HEPHL1: variants seen among roughly 807,000 people sequenced by gnomAD.
HEPHL1 encodes the protein hephaestin like 1, also known as ferroxidase HEPHL1.
A neutral mutation model predicts 122.0 loss-of-function variants in HEPHL1; 123 were observed. The ratio of observed to expected loss-of-function variants is 1.01; its 90% confidence interval spans 0.87 to 1.17. HEPHL1 has a LOEUF of 1.17. HEPHL1 is among the 50% of genes most tolerant of loss of function. The pLI is 0.00. For synonymous variants in HEPHL1, 527 were observed against 508.9 expected (o/e 1.04, Z -0.48); for missense variants, 1,452 against 1,430.5 (o/e 1.01, Z -0.24).
At chr11:94,104,465 G>A in intron 15 of HEPHL1, 63 bp from the exon 16 acceptor site, 1 of 1,138,796 alleles carries the variant, frequency 8.8e-7, no homozygotes, top group Non-Finnish European at 1.3e-6. Flanking sequence ...ATGGTGGCAG[G>A]TGGAATGAAA....
Position 94,082,470 on chromosome 11 carries a change from T to C in HEPHL1, c.1769T>C (p.Leu590Pro). 6.2e-7 allele frequency: 1 copy of C among 1,612,642 alleles called. No individual in the cohort carries two copies. The highest frequency in any genetic ancestry group is 8.5e-7 in the Non-Finnish European group (1 of 1,178,746). Residue 590 changes from leucine (L) to proline (P), a missense_variant, in exon 10 of 20, where the codon CTG becomes CCG. Coordinates refer to ENST00000315765, the MANE Select transcript of HEPHL1 (RefSeq NM_001098672.2). ...YLLFTVFDEN[L>P]SRYFDENIQK... ...CTGTTCACAGTCTTTGATGAGAATC[T>C]GAGCAGATATTTTGATGAAAACATT...
rs1565365694 is a variant in HEPHL1, at chr11:94,113,063, C to T, written c.*1169C>T. ...AGATTCTCTTAAACCATTAAACCAG[C>T]TTTGAAAATTAATAAATAATTTCCA... On this transcript the variant is annotated 3_prime_UTR_variant, in exon 20 of 20. Transcript: ENST00000315765. The T allele has an allele frequency of 6.6e-6, 1 of 152,090 alleles. No homozygotes were observed. Among genetic ancestry groups the T allele is most frequent in the African/African-American group, 2.4e-5 (1 of 41,424 alleles). The allele number at this position is 152,090 out of a possible 1,614,324, so 9.4% of individuals were successfully genotyped here. A position where few individuals can be genotyped will look rare whatever the true frequency, so the allele number is the denominator to read the frequency against.
intron 2 of HEPHL1, among the ~76,000 whole-genome samples, chr11:94,056,459 A>G (rs1265738295): frequency 1.3e-5 from 2 of 152,056 alleles, no homozygotes. Context: ...TTTGTGTTAA[A>G]CAAATATTTC....
In HEPHL1 at chr11:94,075,231, C is replaced by T. The variant is rs1057300483; in HGVS notation, c.1562C>T (p.Thr521Ile). Reference sequence around the variant, plus strand: ...GGTGAAACCTTCACATACAAGTGGACAGTGCCTGAGAGCGTAAGCCCAACT... The same window carrying T: ...GGTGAAACCTTCACATACAAGTGGATAGTGCCTGAGAGCGTAAGCCCAACT... ...KPGETFTYKW[T>I]VPESVSPTAG... Residue 521 changes from threonine to isoleucine, a missense_variant, in exon 9 of 20, where the codon ACA (threonine) becomes ATA (isoleucine). Coordinates refer to ENST00000315765, the MANE Select transcript of HEPHL1 (RefSeq NM_001098672.2). 3.1e-6 allele frequency: 5 copies of T among 1,613,324 alleles called. No individual in the cohort carries two copies. Among genetic ancestry groups the T allele is most frequent in the African/African-American group, 2.7e-5 (2 of 74,898 alleles).
In HEPHL1 at chr11:94,068,729, C is replaced by G. The variant is rs76203478; in HGVS notation, c.1063+979C>G. ...GGACTTGATGGAGGAATTCTGACCA[C>G]TGGATGCTAGTTAAGAAGCATTTGA... On this transcript the variant is annotated intron_variant, in intron 5 of 19. Coordinates refer to ENST00000315765, the MANE Select transcript of HEPHL1 (RefSeq NM_001098672.2). 5.5e-3 allele frequency among the ~76,000 whole-genome samples: 839 copies of G among 152,218 alleles called. 24 individuals are homozygous for G. In the East Asian group the frequency reaches 0.061, roughly 11 times the overall value.
chr11:94,070,337 T>C (rs1946063686), intron 5 of HEPHL1, 37 bp from the exon 6 acceptor site: 3 of 1,550,614 alleles, frequency 1.9e-6, no homozygotes, highest in Non-Finnish European at 2.6e-6. Flanking sequence ...TTTGTGATCA[T>C]TTATGCCTCA....
chr11:94,086,187 C>A lies in HEPHL1; in HGVS notation c.2078C>A (p.Ala693Glu), dbSNP rs754311502. The A allele has an allele frequency of 1.6e-5, 25 of 1,607,120 alleles. No individual in the cohort carries two copies. Among genetic ancestry groups the A allele is most frequent in the Non-Finnish European group, 2.1e-5 (25 of 1,176,908 alleles). The change falls in exon 11 of 20, where the codon GCA becomes GAA. Residue 693 changes from alanine to glutamate, a missense_variant and splice_region_variant. Transcript: ENST00000315765. ...ACAGCATTCATGCAGCCAGACCATG[C>A]AGGTAAACTTGCTGGGTCCATCTCA... ...ATTAFMQPDH[A>E]GIFRVFCATM...
At chr11:94,083,556 T>C (rs1321183108) in intron 10 of HEPHL1, among the ~76,000 whole-genome samples, 1 of 152,204 alleles carries the variant, frequency 6.6e-6, no homozygotes, top group Non-Finnish European at 1.5e-5. Context: ...AACCTGCTTG[T>C]TTTAGGACCC....
At chr11:94,031,174 C>T (rs1945671336) in intron 1 of HEPHL1, among the ~76,000 whole-genome samples, 1 of 152,066 alleles carries the variant, frequency 6.6e-6, no homozygotes, top group Non-Finnish European at 1.5e-5. Context: ...GTAACCGCCC[C>T]TCCCCCTACA....
chr11:94,101,080 T>C, intron 13 of HEPHL1, 115 bp from the exon 14 acceptor site: 7 of 1,125,714 alleles, frequency 6.2e-6, no homozygotes, highest in Non-Finnish European at 9.1e-6. Context: ...TATGCCTTTC[T>C]CGGAAAAACA....
rs530243541 is a variant in HEPHL1 at position 94,097,703 on chromosome 11, G to A, written c.2435-3492G>A. Reference sequence around the variant, plus strand: ...TTGCTTTATGAATCTGGGTGCTCCTGTATTGGGTGTATATATATTTAGGTT... The same window carrying A: ...TTGCTTTATGAATCTGGGTGCTCCTATATTGGGTGTATATATATTTAGGTT... On this transcript the variant is annotated intron_variant, in intron 13 of 19. Transcript: ENST00000315765. Among the ~76,000 whole-genome samples, 76 of 152,272 alleles carry A rather than the reference G, an allele frequency of 5.0e-4. 2 individuals are homozygous for A. Among genetic ancestry groups the A allele is most frequent in the African/African-American group, 1.8e-3 (75 of 41,532 alleles).
At chr11:94,037,286 T>G (rs1307322825) in intron 1 of HEPHL1, among the ~76,000 whole-genome samples, 1 of 151,456 alleles carries the variant, frequency 6.6e-6, no homozygotes, top group African/African-American at 2.4e-5. Flanking sequence ...GCAGCGAGGC[T>G]GGGGGAGGGG....
intron 5 of HEPHL1, among the ~76,000 whole-genome samples, chr11:94,069,160 G>A (rs1218210258): frequency 6.6e-6 from 1 of 152,178 alleles, no homozygotes; most frequent in Non-Finnish European, 1.5e-5. Flanking sequence ...TAGTAAGATC[G>A]CTAAATTAGC....
intron 1 of HEPHL1, among the ~76,000 whole-genome samples, chr11:94,024,280 G>C (rs993096734): frequency 1.3e-5 from 2 of 152,162 alleles, no homozygotes; most frequent in Non-Finnish European, 1.5e-5. Flanking sequence ...GTGTAATCTT[G>C]AACATGTCAT....
chr11:94,094,745 G>C (rs975385318), intron 13 of HEPHL1, among the ~76,000 whole-genome samples: 27 of 152,236 alleles, frequency 1.8e-4, no homozygotes, highest in African/African-American at 6.5e-4. Context: ...TTCTCTGATG[G>C]CCAGTGATGA....
intron 1 of HEPHL1, among the ~76,000 whole-genome samples, chr11:94,031,177 C>G (rs1449357730): frequency 6.6e-6 from 1 of 152,058 alleles, no homozygotes; most frequent in Non-Finnish European, 1.5e-5. Flanking sequence ...ACCGCCCCTC[C>G]CCCTACAACA....
chr11:94,029,832 C>T (rs916630225), intron 1 of HEPHL1, among the ~76,000 whole-genome samples: 3 of 152,216 alleles, frequency 2.0e-5, no homozygotes, highest in African/African-American at 7.2e-5. Flanking sequence ...TTCACTGCCC[C>T]TCCTGATACT....
At chr11:94,087,509 A>G (rs1946227394) in intron 11 of HEPHL1, among the ~76,000 whole-genome samples, 1 of 152,180 alleles carries the variant, frequency 6.6e-6, no homozygotes. Flanking sequence ...AAGAGTGGGT[A>G]GAGTAGACTA....
chr11:94,084,350 A>AAATT (rs1301008350), intron 10 of HEPHL1, among the ~76,000 whole-genome samples: 1 of 146,174 alleles, frequency 6.8e-6, no homozygotes, highest in Non-Finnish European at 1.5e-5. Flanking sequence ...ATAAATAAAT[A>AAATT]AATAAATAAA....
Sources: allele counts gnomAD v4.1 joint callset (sites outside exome capture counted in the v4.1 genomes callset), GRCh38; gene constraint gnomAD v4.1.1; transcripts MANE v1.5; gene names NCBI Gene and HGNC (gene_info 2026-07-23, HGNC 2026-07-21).